The following KIAA1217 variants were observed in gnomAD, a reference collection of about 807,000 sequenced individuals.
KIAA1217 encodes the protein sickle tail protein homolog.
KIAA1217 carries 88 observed loss-of-function variants against 163.9 expected under a neutral mutation model. The ratio of observed to expected loss-of-function variants is 0.54; its 90% confidence interval spans 0.45 to 0.64. The LOEUF (loss-of-function observed/expected upper bound fraction) is 0.64. Among genes scored for constraint, KIAA1217 ranks in the 30% least tolerant of loss-of-function variants. The pLI is 0.00. For missense variants in KIAA1217, 2,372 were observed against 2,475.0 expected (o/e 0.96, Z 0.88); for synonymous variants, 903 against 923.1 (o/e 0.98, Z 0.39).
At chr10:24,495,378 G>A (rs1042548907) in intron 8 of KIAA1217, among the ~76,000 whole-genome samples, 182 bp downstream of exon 8, 1 of 152,308 alleles carries the variant, frequency 6.6e-6, no homozygotes, top group Non-Finnish European at 1.5e-5. Flanking sequence ...GCAAAGCACT[G>A]TATTCTCCCT....
At chr10:24,544,891 G>A in intron 19 of KIAA1217, 90 bp from the exon 20 acceptor site, 4 of 1,426,920 alleles carry the variant, frequency 2.8e-6, no homozygotes, top group Non-Finnish European at 3.9e-6. Context: ...TTCTCACCTT[G>A]AGCTTCTCTG....
chr10:24,166,242 T>G (rs2065339908), intron 2 of KIAA1217, among the ~76,000 whole-genome samples: 1 of 152,072 alleles, frequency 6.6e-6, no homozygotes, highest in African/African-American at 2.4e-5. Flanking sequence ...CCTGTGAGAT[T>G]GTTTCTGAGT....
chr10:24,224,113 G>T (rs2070103430), intron 2 of KIAA1217, among the ~76,000 whole-genome samples: 1 of 152,180 alleles, frequency 6.6e-6, no homozygotes, highest in South Asian at 2.1e-4. Flanking sequence ...CAAAAAATGC[G>T]GGTGGCCCTT....
intron 2 of KIAA1217, among the ~76,000 whole-genome samples, chr10:24,221,002 C>G (rs1169281991): frequency 1.3e-5 from 2 of 151,960 alleles, no homozygotes; most frequent in Non-Finnish European, 2.9e-5. Context: ...CTCAAGTGAT[C>G]CTCCTGCTTC....
intron 3 of KIAA1217, among the ~76,000 whole-genome samples, chr10:24,428,740 C>A (rs907041161): frequency 6.6e-6 from 1 of 151,392 alleles, no homozygotes; most frequent in Non-Finnish European, 1.5e-5. Flanking sequence ...AAAAAAAATC[C>A]CTTAGCCCCA....
intron 1 of KIAA1217, among the ~76,000 whole-genome samples, chr10:23,696,146 A>G (rs939383848): frequency 1.3e-5 from 2 of 152,158 alleles, no homozygotes; most frequent in Non-Finnish European, 2.9e-5. Flanking sequence ...TCTCCTTCCT[A>G]ATGGGATTCT....
intron 2 of KIAA1217, among the ~76,000 whole-genome samples, chr10:24,366,851 T>C (rs1221418234): frequency 6.6e-6 from 1 of 152,240 alleles, no homozygotes. Flanking sequence ...ATATGACACA[T>C]TCTCCAATGA....
At chr10:24,294,187 CAAAAAA>C (rs371110913) in intron 2 of KIAA1217, among the ~76,000 whole-genome samples, 23 of 55,104 alleles carry the variant, frequency 4.2e-4, no homozygotes, top group African/African-American at 1.2e-3. Flanking sequence ...GACTCCGTCT[CAAAAAA>C]AAAAAAAAAA....
intron 1 of KIAA1217, among the ~76,000 whole-genome samples, chr10:23,836,462 A>G (rs1227251510): frequency 6.6e-6 from 1 of 151,884 alleles, no homozygotes; most frequent in Non-Finnish European, 1.5e-5. Context: ...GAGGCCTCAG[A>G]ACAAACCTCC....
chr10:23,722,310 A>G (rs771093199), intron 1 of KIAA1217, among the ~76,000 whole-genome samples: 33 of 152,180 alleles, frequency 2.2e-4, no homozygotes, highest in Non-Finnish European at 3.2e-4. Context: ...CTATGACAAT[A>G]AGAATGTACT....
Position 24,230,502 on chromosome 10 carries a change from G to GTTTTT in KIAA1217, c.354+10610_354+10614dup, listed in dbSNP as rs71397936. ...TTGGGTAGGCACTACTATTTGTTTT[G>GTTTTT]TTTTTTTTTTTTTTTTTTTTTGAGA... On this transcript the variant is annotated intron_variant, in intron 2 of 20. Transcript: ENST00000376454. Among the ~76,000 whole-genome samples, 275 of 90,626 alleles carry GTTTTT rather than the reference G, an allele frequency of 3.0e-3. 6 individuals carry two copies. Among genetic ancestry groups the GTTTTT allele is most frequent in the Middle Eastern group, 0.022 (2 of 90 alleles). The allele number at this position is 90,626 out of a possible 152,430, so 59.5% of individuals were successfully genotyped here. A position where few individuals can be genotyped will look rare whatever the true frequency, so the allele number is the denominator to read the frequency against.
At chr10:24,043,438 C>T (rs1315015905) in intron 2 of KIAA1217, among the ~76,000 whole-genome samples, 2 of 152,108 alleles carry the variant, frequency 1.3e-5, no homozygotes, top group Non-Finnish European at 2.9e-5. Flanking sequence ...TACTTTTGTG[C>T]CCTGTACTAT....
At chr10:23,833,583 T>C (rs973315428) in intron 1 of KIAA1217, among the ~76,000 whole-genome samples, 2 of 152,264 alleles carry the variant, frequency 1.3e-5, no homozygotes, top group African/African-American at 4.8e-5. Flanking sequence ...AAATACAGTC[T>C]AACATCACAC....
chr10:23,858,376 C>CT (rs759727559), intron 1 of KIAA1217, among the ~76,000 whole-genome samples: 32 of 151,930 alleles, frequency 2.1e-4, no homozygotes, highest in Non-Finnish European at 4.0e-4. Context: ...GAACTATAAA[C>CT]TTAGAACTTT....
intron 1 of KIAA1217, among the ~76,000 whole-genome samples, chr10:23,838,351 C>T (rs1389085437): frequency 2.0e-5 from 3 of 152,054 alleles, no homozygotes; most frequent in African/African-American, 7.3e-5. Context: ...TTGTAAACAT[C>T]CCAAAGTAGA....
intron 2 of KIAA1217, among the ~76,000 whole-genome samples, chr10:24,151,702 G>A (rs1219312738): frequency 2.0e-5 from 3 of 151,330 alleles, no homozygotes; most frequent in Admixed American, 6.6e-5. Flanking sequence ...GTGGTACCAC[G>A]GAAGGCCCCT....
intron 1 of KIAA1217, among the ~76,000 whole-genome samples, chr10:23,862,497 ATC>A (rs1340016408): frequency 2.0e-5 from 3 of 152,166 alleles, no homozygotes; most frequent in African/African-American, 7.2e-5. Flanking sequence ...CAGAGCTTTT[ATC>A]TCTCTCTTTG....
chr10:23,912,059 C>G (rs935189742), intron 1 of KIAA1217, among the ~76,000 whole-genome samples: 2 of 152,042 alleles, frequency 1.3e-5, no homozygotes, highest in Admixed American at 1.3e-4. Flanking sequence ...TTTAGTGGTT[C>G]CTGGATGCTG....
At chr10:23,873,058 G>A (rs1434039660) in intron 1 of KIAA1217, among the ~76,000 whole-genome samples, 1 of 151,992 alleles carries the variant, frequency 6.6e-6, no homozygotes, top group Non-Finnish European at 1.5e-5. Context: ...TATCTCACTG[G>A]CTAGAGGTTA....
Sources: allele counts gnomAD v4.1 joint callset (sites outside exome capture counted in the v4.1 genomes callset), GRCh38; gene constraint gnomAD v4.1.1; transcripts MANE v1.5; gene names NCBI Gene and HGNC (gene_info 2026-07-23, HGNC 2026-07-21).